Variants in CSTPP1 observed in about 807,000 individuals in gnomAD.
CSTPP1 encodes UPF0705 protein C11orf49.
the CSTPP1 span, among the ~76,000 whole-genome samples, chr11:47,095,425 G>T: frequency 6.6e-6 from 1 of 152,264 alleles, no homozygotes; most frequent in Middle Eastern, 3.4e-3. Context: ...TGAGGGACTT[G>T]AAACACCCTT....
At chr11:47,149,200 A>G in the CSTPP1 span, among the ~76,000 whole-genome samples, 2 of 152,190 alleles carry the variant, frequency 1.3e-5, no homozygotes, top group Non-Finnish European at 1.5e-5. Flanking sequence ...TCTCCCCAAG[A>G]GTCCCTCTCT....
At chr11:47,076,281 A>C in the CSTPP1 span, among the ~76,000 whole-genome samples, 1 of 152,314 alleles carries the variant, frequency 6.6e-6, no homozygotes, top group East Asian at 1.9e-4. Flanking sequence ...AATATACCCC[A>C]GGTGGGATTC....
At chr11:46,941,878 C>T in the CSTPP1 span, among the ~76,000 whole-genome samples, 1 of 152,122 alleles carries the variant, frequency 6.6e-6, no homozygotes, top group Non-Finnish European at 1.5e-5. Flanking sequence ...AAGTTGAGTT[C>T]CCCTTGGTTA....
chr11:47,139,466 G>A, the CSTPP1 span, among the ~76,000 whole-genome samples: 3 of 152,128 alleles, frequency 2.0e-5, no homozygotes, highest in Non-Finnish European at 2.9e-5. Flanking sequence ...CTGAGGTCAG[G>A]AGTTCGAGAC....
At chr11:46,945,285 G>A in the CSTPP1 span, among the ~76,000 whole-genome samples, 2 of 152,126 alleles carry the variant, frequency 1.3e-5, no homozygotes, top group African/African-American at 4.8e-5. Context: ...TAAATCTTTG[G>A]AAACTAGGTT....
At chr11:46,953,836 G>A in the CSTPP1 span, among the ~76,000 whole-genome samples, 126,670 of 152,146 alleles carry the variant, frequency 0.83, 57,744 homozygotes, top group East Asian at 1. Context: ...CAACAGAGGT[G>A]GGAAGTAAGG....
chr11:47,049,221 A>G, the CSTPP1 span, among the ~76,000 whole-genome samples: 1 of 152,050 alleles, frequency 6.6e-6, no homozygotes, highest in South Asian at 2.1e-4. Context: ...TGCTGAGCTC[A>G]AGCAGCCCAC....
At chr11:46,970,405 TA>T in the CSTPP1 span, among the ~76,000 whole-genome samples, 17 of 140,570 alleles carry the variant, frequency 1.2e-4, no homozygotes, top group African/African-American at 4.3e-4. Context: ...ATAATAATAA[TA>T]AATAAATAAA....
the CSTPP1 span, among the ~76,000 whole-genome samples, chr11:47,046,030 C>T: frequency 7.2e-5 from 11 of 152,074 alleles, no homozygotes; most frequent in Non-Finnish European, 4.4e-5. Context: ...CATGATGCAC[C>T]CGCCTCAGCC....
the CSTPP1 span, among the ~76,000 whole-genome samples, chr11:47,093,773 C>G: frequency 6.6e-6 from 1 of 152,068 alleles, no homozygotes; most frequent in Non-Finnish European, 1.5e-5. Flanking sequence ...GGGACTTAAG[C>G]GAGATAATGC....
chr11:47,064,993 C>T, the CSTPP1 span, among the ~76,000 whole-genome samples: 3 of 152,192 alleles, frequency 2.0e-5, no homozygotes, highest in Non-Finnish European at 2.9e-5. Context: ...CCACCTGCTT[C>T]GGCCTCCCAA....
At chr11:47,013,045 A>G in the CSTPP1 span, among the ~76,000 whole-genome samples, 1 of 147,038 alleles carries the variant, frequency 6.8e-6, no homozygotes, top group Non-Finnish European at 1.5e-5. Flanking sequence ...ATAATATGTT[A>G]TTATATAAAT....
the CSTPP1 span, among the ~76,000 whole-genome samples, chr11:46,992,706 A>C: frequency 6.6e-6 from 1 of 152,124 alleles, no homozygotes; most frequent in Non-Finnish European, 1.5e-5. Flanking sequence ...ATACATGTGC[A>C]TGTGTCTTTA....
chr11:47,036,034 G>GATATATAGATATAT, the CSTPP1 span, among the ~76,000 whole-genome samples: 4 of 25,394 alleles, frequency 1.6e-4, 1 homozygote, highest in Admixed American at 8.8e-4. Context: ...GGAGTGAAAA[G>GATATATAGATATAT]ATATATATAT....
chr11:46,979,387 C>T, the CSTPP1 span, among the ~76,000 whole-genome samples: 5,709 of 152,162 alleles, frequency 0.038, 335 homozygotes, highest in African/African-American at 0.13. Context: ...ATGATACTTT[C>T]TGGAAAATAG....
the CSTPP1 span, among the ~76,000 whole-genome samples, chr11:46,954,098 T>C: frequency 1.3e-5 from 2 of 152,140 alleles, no homozygotes; most frequent in Non-Finnish European, 2.9e-5. Context: ...GCATAAATCA[T>C]TTTAAAAAAA....
At chr11:47,087,309 C>T in the CSTPP1 span, among the ~76,000 whole-genome samples, 80 of 152,328 alleles carry the variant, frequency 5.3e-4, no homozygotes, top group African/African-American at 1.9e-3. Flanking sequence ...GGATCTATCA[C>T]TACTAGCTGT....
chr11:47,065,098 G>A, the CSTPP1 span, among the ~76,000 whole-genome samples: 7 of 152,036 alleles, frequency 4.6e-5, no homozygotes, highest in African/African-American at 1.7e-4. Flanking sequence ...TCTTCTTCAA[G>A]GTTGTTTTGG....
At chr11:47,098,271 C>T in the CSTPP1 span, among the ~76,000 whole-genome samples, 3 of 140,676 alleles carry the variant, frequency 2.1e-5, no homozygotes, top group African/African-American at 2.6e-5. Context: ...CTGCCAAATC[C>T]CCCTCTGTGA....
Sources: allele counts gnomAD v4.1 joint callset (sites outside exome capture counted in the v4.1 genomes callset), GRCh38; gene constraint gnomAD v4.1.1; transcripts MANE v1.5; gene names NCBI Gene and HGNC (gene_info 2026-07-23, HGNC 2026-07-21).